The following RGPD2 variants were observed in gnomAD, a reference collection of about 807,000 sequenced individuals.
The protein encoded by RGPD2 is RANBP2-like and GRIP domain-containing protein 2.
RGPD2 carries 2 observed loss-of-function variants against 36.0 expected under a neutral mutation model. The observed-to-expected ratio is 0.06, with a 90% CI of 0.02 to 0.17. The LOEUF (loss-of-function observed/expected upper bound fraction) is 0.17, where lower values mean the gene tolerates loss of function less well. RGPD2 is among the 10% of genes least tolerant of loss of function. The pLI is 1.00. For missense variants in RGPD2, 40 were observed against 464.3 expected, an observed-to-expected ratio of 0.09 and a Z score of 8.40; for synonymous variants, 19 against 163.8, an observed-to-expected ratio of 0.12 and a Z score of 6.75.
chr2:87,943,267 GTTTT>G, the RGPD2 span, among the ~76,000 whole-genome samples: 1 of 122,200 alleles, frequency 8.2e-6, no homozygotes, highest in African/African-American at 3.1e-5. Flanking sequence ...AGCCTTTGTG[GTTTT>G]TTTGTCTTTT....
chr2:87,988,989 C>T, the RGPD2 span: 5 of 303,404 alleles, frequency 1.6e-5, no homozygotes, highest in East Asian at 4.1e-4. Context: ...TAAAGCTCCT[C>T]TACAAAGCTA....
the RGPD2 span, among the ~76,000 whole-genome samples, chr2:87,909,733 G>A: frequency 7.3e-6 from 1 of 137,590 alleles, no homozygotes; most frequent in Non-Finnish European, 1.6e-5. Flanking sequence ...TATAGAATGT[G>A]ATTTTTTTCT....
At chr2:87,940,242 C>T in the RGPD2 span, among the ~76,000 whole-genome samples, 1 of 151,996 alleles carries the variant, frequency 6.6e-6, no homozygotes. Context: ...TGCAGCTGCG[C>T]TAGGCTGTTT....
At chr2:87,813,376 C>T (rs1394608252) in intron 4 of RGPD2, among the ~76,000 whole-genome samples, 1 of 150,790 alleles carries the variant, frequency 6.6e-6, no homozygotes, top group African/African-American at 2.4e-5. Flanking sequence ...TACTAACAGA[C>T]TCACTTTCTC....
intron 8 of RGPD2, among the ~76,000 whole-genome samples, chr2:87,798,936 G>A (rs2104318249): frequency 7.7e-6 from 1 of 130,222 alleles, no homozygotes. Context: ...TTTACAGTAA[G>A]CAATCAAAAA....
the RGPD2 span, among the ~76,000 whole-genome samples, chr2:87,878,830 C>T: frequency 6.6e-6 from 1 of 152,192 alleles, no homozygotes; most frequent in Non-Finnish European, 1.5e-5. Flanking sequence ...AGATATTATA[C>T]AGTATTTGTC....
At chr2:87,905,287 A>G in the RGPD2 span, among the ~76,000 whole-genome samples, 2 of 152,242 alleles carry the variant, frequency 1.3e-5, no homozygotes, top group African/African-American at 4.8e-5. Flanking sequence ...TATTCAGAGC[A>G]CATTCTGCAG....
At chr2:87,974,825 T>C in the RGPD2 span, among the ~76,000 whole-genome samples, 11 of 152,182 alleles carry the variant, frequency 7.2e-5, no homozygotes, top group South Asian at 2.1e-4. Flanking sequence ...AATCCAACCA[T>C]TTTCACCTAA....
rs1558739972 is a variant in RGPD2, at chr2:87,825,533, G to GCCGCCCGGCC, written c.72+124_72+125insGGCCGGGCGG. On this transcript the variant is annotated intron_variant, in intron 1 of 22. Transcript: ENST00000398146. The stretch of plus-strand genomic sequence containing the variant: ...CCGAGGCCGCCGCCCGGCCGAGGCC[G>GCCGCCCGGCC]AGGCCGAGGCCGCCGCCCGGCCAGG... 70 of 498,628 alleles carry GCCGCCCGGCC rather than the reference G, an allele frequency of 1.4e-4. 3 individuals carry two copies. The Admixed American group carries it at 2.5e-3, about 18-fold the overall frequency. 30.9% of individuals were successfully genotyped at this position (498,628 alleles called of 1,614,324 possible).
At chr2:87,955,311 G>A in the RGPD2 span, among the ~76,000 whole-genome samples, 2 of 143,134 alleles carry the variant, frequency 1.4e-5, no homozygotes, top group African/African-American at 5.2e-5. Context: ...CACCGCGCCC[G>A]GCCGAAAAGT....
At chr2:87,761,141 G>A (rs1213138182) in intron 22 of RGPD2, among the ~76,000 whole-genome samples, 1 of 49,766 alleles carries the variant, frequency 2.0e-5, no homozygotes, top group African/African-American at 7.5e-5. Flanking sequence ...CTTCATTTCT[G>A]TTATGGTGTT....
At chr2:87,988,307 G>A in the RGPD2 span, among the ~76,000 whole-genome samples, 1 of 131,320 alleles carries the variant, frequency 7.6e-6, no homozygotes, top group Non-Finnish European at 1.6e-5. Flanking sequence ...AGATAATTCT[G>A]ATTGTATTTT....
At chr2:87,921,977 C>T in the RGPD2 span, among the ~76,000 whole-genome samples, 9,307 of 143,738 alleles carry the variant, frequency 0.065, 1,123 homozygotes, top group African/African-American at 0.25. Flanking sequence ...AGTAGATCAG[C>T]TGGCTTCCCC....
At chr2:87,853,213 T>C in the RGPD2 span, among the ~76,000 whole-genome samples, 1 of 150,744 alleles carries the variant, frequency 6.6e-6, no homozygotes, top group Non-Finnish European at 1.5e-5. Context: ...GTCACTTTTT[T>C]TTTTGTCTTT....
At chr2:87,866,337 ATAAT>A in the RGPD2 span, among the ~76,000 whole-genome samples, 2 of 152,218 alleles carry the variant, frequency 1.3e-5, no homozygotes, top group African/African-American at 2.4e-5. Context: ...TAATGGACAA[ATAAT>A]TAATCATTGT....
chr2:87,922,274 C>A, the RGPD2 span, among the ~76,000 whole-genome samples: 1 of 101,720 alleles, frequency 9.8e-6, no homozygotes, highest in African/African-American at 4.1e-5. Flanking sequence ...GCCTGGGCAA[C>A]AGAGCTAGAC....
the RGPD2 span, among the ~76,000 whole-genome samples, chr2:87,834,835 A>T: frequency 6.6e-6 from 1 of 151,844 alleles, no homozygotes; most frequent in South Asian, 2.1e-4. Context: ...TGGATTTGAA[A>T]CTTATAAGAA....
chr2:87,941,210 G>A, the RGPD2 span, among the ~76,000 whole-genome samples: 1 of 149,534 alleles, frequency 6.7e-6, no homozygotes, highest in Non-Finnish European at 1.5e-5. Flanking sequence ...CTAAATCCAG[G>A]TGGATAAAAG....
chr2:87,845,881 A>G, the RGPD2 span, among the ~76,000 whole-genome samples: 1 of 152,062 alleles, frequency 6.6e-6, no homozygotes, highest in African/African-American at 2.4e-5. Flanking sequence ...ATTAGAAATT[A>G]TACTTATTAG....
Sources: gnomAD v4.1 joint callset for allele counts (sites outside exome capture counted in the v4.1 genomes callset) on GRCh38, gnomAD v4.1.1 for gene constraint, MANE v1.5 for transcripts, NCBI Gene and HGNC (gene_info 2026-07-23, HGNC 2026-07-21) for gene names.